The following TMPRSS15 variants were observed in gnomAD, a reference collection of about 807,000 sequenced individuals.
TMPRSS15 encodes transmembrane serine protease 15, also known as enteropeptidase.
A neutral mutation model predicts 125.3 loss-of-function variants in TMPRSS15; 128 were observed. The observed-to-expected ratio is 1.02, with a 90% CI of 0.89 to 1.18. TMPRSS15 has a LOEUF of 1.18. Among genes scored for constraint, TMPRSS15 ranks in the 50% most tolerant of loss-of-function variants. The pLI is 0.00. For missense variants in TMPRSS15, 1,283 were observed against 1,212.7 expected (o/e 1.06, Z -0.86); for synonymous variants, 446 against 423.2 (o/e 1.05, Z -0.66).
At chr21:18,357,351 T>G (rs2075636161) in intron 8 of TMPRSS15, among the ~76,000 whole-genome samples, 1 of 151,854 alleles carries the variant, frequency 6.6e-6, no homozygotes, top group African/African-American at 2.4e-5. Context: ...CTCTGATGCT[T>G]TTTAGCAGTT....
chr21:18,425,642 G>A (rs941472854), intron 1 of TMPRSS15, among the ~76,000 whole-genome samples: 1 of 152,036 alleles, frequency 6.6e-6, no homozygotes, highest in African/African-American at 2.4e-5. Context: ...ATGTATCTGT[G>A]TAGATCAATA....
chr21:18,310,915 G>A (rs900010232), intron 18 of TMPRSS15, among the ~76,000 whole-genome samples: 3 of 144,282 alleles, frequency 2.1e-5, no homozygotes, highest in African/African-American at 7.7e-5. Flanking sequence ...ATAAATCTAT[G>A]TTTACAGCCC....
rs1379804895 is a variant in TMPRSS15, at chr21:18,315,130, T to TA, written c.2032+15dup. The TA allele has an allele frequency of 5.0e-6, 8 of 1,598,274 alleles. No individual in the cohort carries two copies. Among genetic ancestry groups the TA allele is most frequent in the Admixed American group, 3.3e-5 (2 of 59,972 alleles). On this transcript the variant is annotated intron_variant, in intron 17 of 24. Coordinates refer to ENST00000284885, the MANE Select transcript of TMPRSS15 (RefSeq NM_002772.3). ...GGCTAAAGTCATAAAAGTATTTTCC[T>TA]AAAAATAAGACATACCACAATCTGC... is the stretch of plus-strand genomic sequence containing the variant.
intron 16 of TMPRSS15, among the ~76,000 whole-genome samples, chr21:18,316,608 G>T (rs2075169745): frequency 6.6e-6 from 1 of 152,188 alleles, no homozygotes; most frequent in Non-Finnish European, 1.5e-5. Context: ...TTGGCACATG[G>T]AGACACAAAA....
At chr21:18,310,479 C>G (rs1002083778) in intron 18 of TMPRSS15, among the ~76,000 whole-genome samples, 2 of 151,542 alleles carry the variant, frequency 1.3e-5, no homozygotes, top group Middle Eastern at 3.4e-3. Context: ...AAAAAACAAA[C>G]ACCTAGAAAT....
chr21:18,310,249 A>T (rs73322059), intron 18 of TMPRSS15, among the ~76,000 whole-genome samples: 27,735 of 152,124 alleles, frequency 0.18, 3,036 homozygotes, highest in African/African-American at 0.3. Flanking sequence ...GGGCATCCAA[A>T]TTGGAAAGAA....
intron 1 of TMPRSS15, among the ~76,000 whole-genome samples, chr21:18,481,810 CAA>C (rs1240200164): frequency 6.6e-6 from 1 of 151,548 alleles, no homozygotes; most frequent in African/African-American, 2.4e-5. Flanking sequence ...ATCCTTTAAT[CAA>C]AAGTCTATTT....
chr21:18,365,837 T>C (rs979785924), intron 6 of TMPRSS15, among the ~76,000 whole-genome samples: 1 of 149,090 alleles, frequency 6.7e-6, no homozygotes, highest in Non-Finnish European at 1.5e-5. Flanking sequence ...TGTGTTCAAG[T>C]GATTCTCCTG....
intron 18 of TMPRSS15, among the ~76,000 whole-genome samples, chr21:18,299,550 C>T (rs1482324120): frequency 6.6e-6 from 1 of 152,202 alleles, no homozygotes; most frequent in Non-Finnish European, 1.5e-5. Flanking sequence ...GATTCGTGAA[C>T]ATCACTGCTG....
At chr21:18,333,988 T>C (rs2075368196) in intron 13 of TMPRSS15, among the ~76,000 whole-genome samples, 1 of 152,158 alleles carries the variant, frequency 6.6e-6, no homozygotes, top group Non-Finnish European at 1.5e-5. Flanking sequence ...TATATTCTTT[T>C]CTATTATGAA....
At chr21:18,270,408 A>G (rs2074541215) in intron 24 of TMPRSS15, among the ~76,000 whole-genome samples, 1 of 152,142 alleles carries the variant, frequency 6.6e-6, no homozygotes, top group African/African-American at 2.4e-5. Context: ...GGCTACTAAG[A>G]AGTTCTTTAA....
chr21:18,310,541 G>T, intron 18 of TMPRSS15, among the ~76,000 whole-genome samples: 1 of 151,806 alleles, frequency 6.6e-6, no homozygotes, highest in East Asian at 1.9e-4. Flanking sequence ...GTAAAACACT[G>T]ATGAAAGAAA....
intron 1 of TMPRSS15, among the ~76,000 whole-genome samples, chr21:18,484,892 G>C (rs554263784): frequency 1.2e-4 from 18 of 151,540 alleles, no homozygotes; most frequent in Non-Finnish European, 2.2e-4. Context: ...TGCCTTAACT[G>C]TCCTTAGCTC....
At chr21:18,448,938 T>C in intron 1 of TMPRSS15, among the ~76,000 whole-genome samples, 1 of 152,190 alleles carries the variant, frequency 6.6e-6, no homozygotes, top group Admixed American at 6.5e-5. Flanking sequence ...ATATCTTTTT[T>C]TGAAACAGAC....
intron 9 of TMPRSS15, among the ~76,000 whole-genome samples, 162 bp from the exon 10 acceptor site, chr21:18,353,214 A>T (rs986898316): frequency 5.9e-5 from 9 of 151,472 alleles, no homozygotes; most frequent in African/African-American, 1.9e-4. Flanking sequence ...CATTCTATTT[A>T]TTTTTTTTAA....
intron 3 of TMPRSS15, among the ~76,000 whole-genome samples, chr21:18,390,333 T>G (rs1438651064): frequency 6.6e-6 from 1 of 152,212 alleles, no homozygotes; most frequent in African/African-American, 2.4e-5. Flanking sequence ...AGGATGAAGA[T>G]TAAATGAAAA....
At chr21:18,478,211 G>GT (rs1978915795) in intron 1 of TMPRSS15, among the ~76,000 whole-genome samples, 1 of 151,946 alleles carries the variant, frequency 6.6e-6, no homozygotes, top group Admixed American at 6.6e-5. Flanking sequence ...TTATTTTTAA[G>GT]TCATGTTTCC....
chr21:18,397,774 A>C, intron 3 of TMPRSS15, 105 bp downstream of exon 3: 2 of 626,802 alleles, frequency 3.2e-6, no homozygotes, highest in Non-Finnish European at 5.4e-6. Context: ...AATGTTGAAA[A>C]ATTTAAATAT....
chr21:18,470,453 C>G (rs532699753), intron 1 of TMPRSS15, among the ~76,000 whole-genome samples: 7 of 152,150 alleles, frequency 4.6e-5, no homozygotes, highest in South Asian at 4.1e-4. Context: ...ACGAAGAACT[C>G]TTACCCCAAC....
Sources: gnomAD v4.1 joint callset for allele counts (sites outside exome capture counted in the v4.1 genomes callset) on GRCh38, gnomAD v4.1.1 for gene constraint, MANE v1.5 for transcripts, NCBI Gene and HGNC (gene_info 2026-07-23, HGNC 2026-07-21) for gene names.